AFF3: variants seen among roughly 807,000 people sequenced by gnomAD.
AFF3 encodes the protein AF4/FMR2 family member 3.
In AFF3, 32 loss-of-function variants were observed where a neutral mutation model predicts 129.7. That is an observed-to-expected ratio of 0.25 (90% confidence interval 0.19 to 0.33). The LOEUF (loss-of-function observed/expected upper bound fraction) is 0.33, where lower values mean the gene tolerates loss of function less well. Among genes scored for constraint, AFF3 ranks in the 10% least tolerant of loss-of-function variants. AFF3 has a pLI of 1.00. For synonymous variants in AFF3, 644 were observed against 635.4 expected, an observed-to-expected ratio of 1.01 and a Z score of -0.20; for missense variants, 1,373 against 1,592.0, an observed-to-expected ratio of 0.86 and a Z score of 2.34.
At chr2:99,902,282 A>G (rs1297470646) in intron 7 of AFF3, among the ~76,000 whole-genome samples, 2 of 152,102 alleles carry the variant, frequency 1.3e-5, no homozygotes, top group East Asian at 3.8e-4. Flanking sequence ...GACTTGTTAT[A>G]CATATACAAT....
chr2:99,966,752 A>T (rs2104386048), intron 7 of AFF3, among the ~76,000 whole-genome samples: 1 of 150,770 alleles, frequency 6.6e-6, no homozygotes, highest in South Asian at 2.1e-4. Flanking sequence ...GGATATAATC[A>T]GTAAAATTCA....
At chr2:99,695,793 A>G (rs996380398) in intron 11 of AFF3, among the ~76,000 whole-genome samples, 1 of 152,120 alleles carries the variant, frequency 6.6e-6, no homozygotes, top group Non-Finnish European at 1.5e-5. Context: ...GGGCACTTAC[A>G]AGCACTTTAA....
At chr2:99,997,464 C>G in intron 7 of AFF3, among the ~76,000 whole-genome samples, 1 of 132,318 alleles carries the variant, frequency 7.6e-6, no homozygotes, top group Non-Finnish European at 1.6e-5. Flanking sequence ...CCCATGGTCC[C>G]AGCAACTATC....
At chr2:99,723,273 C>T (rs1487442203) in intron 11 of AFF3, among the ~76,000 whole-genome samples, 2 of 152,146 alleles carry the variant, frequency 1.3e-5, no homozygotes, top group Non-Finnish European at 2.9e-5. Context: ...TGTCATACTG[C>T]CAAGCATTGA....
intron 7 of AFF3, among the ~76,000 whole-genome samples, chr2:99,977,765 C>T (rs1315887539): frequency 1.3e-5 from 2 of 149,468 alleles, no homozygotes; most frequent in East Asian, 3.9e-4. Flanking sequence ...AGTTCAACTC[C>T]CCCTTCATCT....
At chr2:99,852,474 G>A (rs187398373) in intron 7 of AFF3, among the ~76,000 whole-genome samples, 1 of 152,284 alleles carries the variant, frequency 6.6e-6, no homozygotes, top group African/African-American at 2.4e-5. Context: ...ATGATGTCCA[G>A]GGAGCTCATA....
At chr2:99,596,633 TCTCC>T (rs1679315903) in intron 14 of AFF3, among the ~76,000 whole-genome samples, 1 of 113,838 alleles carries the variant, frequency 8.8e-6, no homozygotes, top group African/African-American at 3.3e-5. Flanking sequence ...TCACACTAGT[TCTCC>T]CTCACTGCTA....
intron 13 of AFF3, among the ~76,000 whole-genome samples, chr2:99,622,001 A>T (rs896278931): frequency 1.5e-4 from 23 of 152,214 alleles, no homozygotes; most frequent in Admixed American, 5.2e-4. Context: ...GGTGATAAGG[A>T]AGAGAGCTGA....
At chr2:99,929,605 A>G (rs1367199201) in intron 7 of AFF3, among the ~76,000 whole-genome samples, 1 of 152,204 alleles carries the variant, frequency 6.6e-6, no homozygotes, top group East Asian at 1.9e-4. Flanking sequence ...CTTATTCAAC[A>G]CATATCTTTT....
chr2:99,777,014 G>A (rs925633475), intron 8 of AFF3, among the ~76,000 whole-genome samples: 1 of 152,154 alleles, frequency 6.6e-6, no homozygotes, highest in Non-Finnish European at 1.5e-5. Flanking sequence ...GGGGAGATAG[G>A]AATCTACAAA....
chr2:99,879,850 T>TACA (rs1442471339), intron 7 of AFF3, among the ~76,000 whole-genome samples: 1 of 152,216 alleles, frequency 6.6e-6, no homozygotes, highest in African/African-American at 2.4e-5. Context: ...ATAAAGTAGC[T>TACA]ACAAACTCTT....
chr2:100,125,517 A>C (rs1454087594), intron 2 of AFF3, among the ~76,000 whole-genome samples: 1 of 152,204 alleles, frequency 6.6e-6, no homozygotes, highest in East Asian at 1.9e-4. Context: ...TACCTGCTTA[A>C]TGAATGCATG....
chr2:100,008,222 C>T (rs1270666441), intron 5 of AFF3, among the ~76,000 whole-genome samples: 1 of 152,070 alleles, frequency 6.6e-6, no homozygotes, highest in African/African-American at 2.4e-5. Flanking sequence ...CAAGAGATGT[C>T]AATGTGAAGC....
intron 11 of AFF3, among the ~76,000 whole-genome samples, chr2:99,683,587 C>CTA (rs1674735702): frequency 6.6e-6 from 1 of 151,836 alleles, no homozygotes; most frequent in South Asian, 2.1e-4. Context: ...GTAGCTGGAA[C>CTA]TATAGGTGGC....
intron 13 of AFF3, among the ~76,000 whole-genome samples, chr2:99,648,917 A>ACACACTCTCTCTCT: frequency 0.01 from 469 of 46,864 alleles, 5 homozygotes; most frequent in South Asian, 0.032. Context: ...ACACACACAC[A>ACACACTCTCTCTCT]CTCTCTCTCT....
intron 4 of AFF3, among the ~76,000 whole-genome samples, chr2:100,011,100 C>A (rs560182138): frequency 4.3e-4 from 66 of 152,202 alleles, no homozygotes; most frequent in African/African-American, 1.6e-3. Flanking sequence ...CGGTGAAACC[C>A]CATTTCTACT....
At chr2:99,803,976 A>C (rs1436962332) in intron 8 of AFF3, among the ~76,000 whole-genome samples, 1 of 152,200 alleles carries the variant, frequency 6.6e-6, no homozygotes. Flanking sequence ...AACCAGAAAA[A>C]AATCTAGAAG....
intron 8 of AFF3, among the ~76,000 whole-genome samples, chr2:99,762,548 G>C (rs1381812156): frequency 1.3e-5 from 2 of 152,176 alleles, no homozygotes; most frequent in Non-Finnish European, 2.9e-5. Context: ...AAGGGATCAT[G>C]TCTAATAATG....
At chr2:99,611,130 T>C (rs1467164440) in intron 13 of AFF3, among the ~76,000 whole-genome samples, 1 of 152,232 alleles carries the variant, frequency 6.6e-6, no homozygotes. Context: ...AATTTTTCAG[T>C]TATAAAATTT....
Sources: allele counts gnomAD v4.1 joint callset (sites outside exome capture counted in the v4.1 genomes callset), GRCh38; gene constraint gnomAD v4.1.1; transcripts MANE v1.5; gene names NCBI Gene and HGNC (gene_info 2026-07-23, HGNC 2026-07-21).